The following PTDSS1 variants were observed in gnomAD, a reference collection of about 807,000 sequenced individuals.
PTDSS1 encodes the protein phosphatidylserine synthase 1, also known as PSS-1.
A neutral mutation model predicts 70.5 loss-of-function variants in PTDSS1; 45 were observed. The observed-to-expected ratio is 0.64, with a 90% confidence interval of 0.50 to 0.82. PTDSS1 has a LOEUF of 0.82. Ranked by LOEUF, PTDSS1 falls within the 40% of genes least tolerant of loss-of-function variation. PTDSS1 has a pLI of 0.00. For missense variants in PTDSS1, 417 were observed against 586.1 expected, an observed-to-expected ratio of 0.71 and a Z score of 2.98; for synonymous variants, 188 against 203.8, an observed-to-expected ratio of 0.92 and a Z score of 0.66.
At chr8:96,277,012 A>C (rs573012153) in intron 2 of PTDSS1, among the ~76,000 whole-genome samples, 2 of 146,168 alleles carry the variant, frequency 1.4e-5, no homozygotes, top group African/African-American at 2.5e-5. Context: ...ACACACACAC[A>C]CCACCATTCA....
At chr8:96,327,013 G>A (rs147117527) in intron 10 of PTDSS1, among the ~76,000 whole-genome samples, 1,677 of 152,304 alleles carry the variant, frequency 0.011, 14 homozygotes, top group Middle Eastern at 0.034. Flanking sequence ...CAGTGCTAGC[G>A]ACAGATTGGA....
chr8:96,302,621 G>A lies in PTDSS1; in HGVS notation c.753-1419G>A, dbSNP rs897152969. Among the ~76,000 whole-genome samples the A allele has an allele frequency of 2.6e-5, 4 of 151,838 alleles. No individual in the cohort carries two copies. The East Asian group carries it at 5.8e-4, about 22-fold the overall frequency. On this transcript the variant is annotated intron_variant, in intron 6 of 12. Coordinates refer to ENST00000517309, the MANE Select transcript of PTDSS1 (RefSeq NM_014754.3). ...TTTTGAGGCATAGTCTCACTCTGTC[G>A]CCTAGGCTGGAGTGCAGTGGCACAA...
chr8:96,330,087 C>A, intron 10 of PTDSS1, 126 bp from the exon 11 acceptor site: 1 of 855,796 alleles, frequency 1.2e-6, no homozygotes, highest in Non-Finnish European at 1.9e-6. Flanking sequence ...CCACGTCCAG[C>A]CGTTTTGTAA....
At chr8:96,289,674 G>C (rs368636347) in intron 4 of PTDSS1, among the ~76,000 whole-genome samples, 27 of 152,306 alleles carry the variant, frequency 1.8e-4, no homozygotes, top group African/African-American at 6.5e-4. Context: ...TTGGGCCATA[G>C]ATGGGTTTGC....
intron 10 of PTDSS1, among the ~76,000 whole-genome samples, chr8:96,324,315 C>T (rs935228391): frequency 2.0e-5 from 3 of 152,178 alleles, no homozygotes. Context: ...GCCTGCTCCT[C>T]CAAATTCTTT....
intron 9 of PTDSS1, among the ~76,000 whole-genome samples, chr8:96,317,757 G>GAA (rs59546397): frequency 1.3e-5 from 2 of 151,662 alleles, no homozygotes; most frequent in Non-Finnish European, 2.9e-5. Context: ...CAAAAAAACA[G>GAA]AAAAAACTTT....
chr8:96,273,936 C>G (rs542963204), intron 2 of PTDSS1, among the ~76,000 whole-genome samples: 2 of 152,276 alleles, frequency 1.3e-5, no homozygotes, highest in East Asian at 1.9e-4. Context: ...TTACCCCCAT[C>G]ATGATTATGG....
At chr8:96,316,944 A>G (rs1811298090) in intron 9 of PTDSS1, among the ~76,000 whole-genome samples, 2 of 152,176 alleles carry the variant, frequency 1.3e-5, no homozygotes, top group African/African-American at 4.8e-5. Context: ...CAGTGAGCTG[A>G]GATTGCACCA....
intron 2 of PTDSS1, among the ~76,000 whole-genome samples, chr8:96,280,296 C>T (rs1047114545): frequency 2.0e-5 from 3 of 152,086 alleles, no homozygotes; most frequent in East Asian, 1.9e-4. Flanking sequence ...CGGAGGTGGG[C>T]GGATCACTCG....
At chr8:96,309,421 T>A in intron 8 of PTDSS1, 136 bp from the exon 9 acceptor site, 1 of 649,982 alleles carries the variant, frequency 1.5e-6, no homozygotes, top group African/African-American at 1.8e-5. Flanking sequence ...CTTTCTCTTC[T>A]CTTGAACAGA....
Position 96,284,203 on chromosome 8 carries a change from T to C in PTDSS1, c.316+50T>C, listed in dbSNP as rs190200297. 5,694 of 1,498,190 alleles carry C rather than the reference T, an allele frequency of 3.8e-3. 15 individuals are homozygous for C. The highest frequency in any genetic ancestry group is 4.6e-3 in the Non-Finnish European group (4,956 of 1,083,980). 92.8% of individuals were successfully genotyped at this position (1,498,190 alleles called of 1,614,324 possible). A position where few individuals can be genotyped will look rare whatever the true frequency, so the allele number is the denominator to read the frequency against. On this transcript the variant is annotated intron_variant, in intron 3 of 12. Coordinates refer to ENST00000517309, the MANE Select transcript of PTDSS1 (RefSeq NM_014754.3). ...AGGATGTTCTATTTTTTTAATCTTTTTTCTGCTTATCACTTTAAGACTTTT... is the reference window on the plus strand; with the variant it reads ...AGGATGTTCTATTTTTTTAATCTTTCTTCTGCTTATCACTTTAAGACTTTT...
chr8:96,309,640 G>T lies in PTDSS1; in HGVS notation c.1073+18G>T. The T allele has an allele frequency of 1.9e-6, 3 of 1,613,450 alleles. No homozygotes were observed. The African/African-American group carries it at 4.0e-5, about 22-fold the overall frequency. On this transcript the variant is annotated intron_variant, in intron 9 of 12. Transcript: ENST00000517309. ...GTGTTTGGGTGAGTAATCTGTTATT[G>T]TGGAGATTTAAAAACCACTTAAGCC...
At chr8:96,272,641 T>G (rs1000079102) in intron 1 of PTDSS1, among the ~76,000 whole-genome samples, 3 of 152,218 alleles carry the variant, frequency 2.0e-5, no homozygotes, top group African/African-American at 7.2e-5. Context: ...ACTTAATCTT[T>G]CTGAACTTTT....
At position 96,330,300 on chromosome 8, in the gene PTDSS1, G is replaced by A. The variant is rs755548905; in HGVS notation, c.1242+19G>A. The A allele has an allele frequency of 2.7e-5, 43 of 1,597,494 alleles. No homozygotes were observed. Among genetic ancestry groups the A allele is most frequent in the Non-Finnish European group, 2.4e-5 (28 of 1,167,300 alleles). On this transcript the variant is annotated intron_variant, in intron 11 of 12. Transcript: ENST00000517309. The stretch of plus-strand genomic sequence containing the variant: ...AGAAAAGGTATGGAAGGAGAGGCAG[G>A]CATGGCCATTGTTTAAAATAATCAC...
At chr8:96,265,178 T>A (rs190016167) in intron 1 of PTDSS1, among the ~76,000 whole-genome samples, 1 of 152,362 alleles carries the variant, frequency 6.6e-6, no homozygotes, top group Admixed American at 6.5e-5. Context: ...TGGACAATTG[T>A]TCAGTGCAAT....
intron 10 of PTDSS1, among the ~76,000 whole-genome samples, chr8:96,321,763 C>T (rs776414283): frequency 6.6e-6 from 1 of 151,978 alleles, no homozygotes; most frequent in Non-Finnish European, 1.5e-5. Context: ...TTTAGGGTTA[C>T]TTGTTAGAAA....
chr8:96,319,721 A>G (rs1180675526), intron 9 of PTDSS1, among the ~76,000 whole-genome samples: 1 of 152,158 alleles, frequency 6.6e-6, no homozygotes, highest in East Asian at 1.9e-4. Flanking sequence ...AGACTTCAGA[A>G]CTACAGTGAA....
chr8:96,313,924 T>C (rs1463304472), intron 9 of PTDSS1, among the ~76,000 whole-genome samples: 1 of 152,262 alleles, frequency 6.6e-6, no homozygotes, highest in Non-Finnish European at 1.5e-5. Flanking sequence ...CTCTCACTTT[T>C]CTGTTTTCAG....
intron 4 of PTDSS1, chr8:96,287,424 A>G: frequency 2.5e-6 from 1 of 399,560 alleles, no homozygotes; most frequent in Non-Finnish European, 4.5e-6. Flanking sequence ...GTTACTTGGT[A>G]GTTGTGGGAC....
Sources: allele counts gnomAD v4.1 joint callset (sites outside exome capture counted in the v4.1 genomes callset), GRCh38; gene constraint gnomAD v4.1.1; transcripts MANE v1.5; gene names NCBI Gene and HGNC (gene_info 2026-07-23, HGNC 2026-07-21).